TSC2: variants seen among roughly 807,000 people sequenced by gnomAD.
The protein encoded by TSC2 is tuberin.
In TSC2, 29 loss-of-function variants were observed where a neutral mutation model predicts 202.2. The ratio of observed to expected loss-of-function variants is 0.14; its 90% confidence interval spans 0.11 to 0.20. TSC2 has a LOEUF of 0.20. TSC2 is among the 10% of genes least tolerant of loss of function. The pLI is 1.00. For synonymous variants in TSC2, 1,349 were observed against 1,044.0 expected, an observed-to-expected ratio of 1.29 and a Z score of -5.63; for missense variants, 2,429 against 2,420.0, an observed-to-expected ratio of 1.00 and a Z score of -0.08.
chr16:2,062,065 T>C, intron 12 of TSC2, 57 bp downstream of exon 12: 1 of 1,609,824 alleles, frequency 6.2e-7, no homozygotes, highest in Admixed American at 1.7e-5. Context: ...AGGGGCCGGG[T>C]GCTGGGTGAA....
intron 16 of TSC2, among the ~76,000 whole-genome samples, 154 bp from the exon 17 acceptor site, chr16:2,070,302 G>T (rs1172417817): frequency 3.4e-5 from 5 of 148,820 alleles, no homozygotes; most frequent in African/African-American, 1.3e-4. Flanking sequence ...CTGCTGTGGA[G>T]AGAGAGTCCT....
chr16:2,088,866 C>CGT lies in TSC2; in HGVS notation c.*257_*258insTG, dbSNP rs1555442378. 4.6e-5 allele frequency: 23 copies of CGT among 505,158 alleles called. 1 individual carries two copies. In the African/African-American group the frequency reaches 4.6e-4, roughly 10 times the overall value. The allele number at this position is 505,158 out of a possible 1,614,324, so 31.3% of individuals were successfully genotyped here. A position where few individuals can be genotyped will look rare whatever the true frequency, so the allele number is the denominator to read the frequency against. On this transcript the variant is annotated 3_prime_UTR_variant, in exon 42 of 42. Coordinates refer to ENST00000219476, the MANE Select transcript of TSC2 (RefSeq NM_000548.5). The stretch of plus-strand genomic sequence containing the variant: ...GGCTGCCTGGGCCATACAGCACACT[C>CGT]GCGCGTGCGCGCGCGCACACACACA...
intron 16 of TSC2, among the ~76,000 whole-genome samples, chr16:2,069,574 G>T (rs1339856277): frequency 1.3e-5 from 2 of 151,970 alleles, no homozygotes; most frequent in Non-Finnish European, 2.9e-5. Flanking sequence ...CTGCCTCCTG[G>T]GTTCACGCCA....
chr16:2,055,908 AAG>A (rs1567405258), intron 6 of TSC2: 6 of 522,016 alleles, frequency 1.1e-5, no homozygotes, highest in East Asian at 6.9e-5. Flanking sequence ...AAAAAAAAAA[AAG>A]AGAAGTACGT....
intron 15 of TSC2, chr16:2,064,683 G>A (rs1332108205): frequency 1.6e-5 from 9 of 575,142 alleles, no homozygotes; most frequent in African/African-American, 5.6e-5. Context: ...CTGGACCGAC[G>A]CTGGAGCCCA....
Position 2,053,691 on chromosome 16 carries a change from G to A in TSC2, c.336+239G>A, listed in dbSNP as rs574444628. The A allele has an allele frequency of 3.6e-4, 236 of 653,454 alleles. 2 individuals carry two copies. Among genetic ancestry groups the A allele is most frequent in the South Asian group, 2.8e-3 (184 of 66,320 alleles). 40.5% of individuals were successfully genotyped at this position (653,454 alleles called of 1,614,324 possible). ...TCACTGCACCTTCCTCTTATGGGAT[G>A]TTCTGGGGATCATATGAGGCAGTTC... On this transcript the variant is annotated intron_variant, in intron 4 of 41. Transcript: ENST00000219476.
At chr16:2,063,183 C>T (rs552969910) in intron 14 of TSC2, 130 bp downstream of exon 14, 190 of 1,140,250 alleles carry the variant, frequency 1.7e-4, no homozygotes, top group Non-Finnish European at 2.3e-4. Context: ...CCCTCTGCAG[C>T]CCCCAGCGTG....
intron 14 of TSC2, chr16:2,063,552 C>A (rs2086898404): frequency 3.9e-6 from 1 of 256,362 alleles, no homozygotes. Context: ...TACCCCTTTC[C>A]CAGGAGGCGC....
chr16:2,051,548 C>T (rs528977999), intron 3 of TSC2, among the ~76,000 whole-genome samples: 1 of 152,296 alleles, frequency 6.6e-6, no homozygotes, highest in East Asian at 1.9e-4. Flanking sequence ...CCAGACTTTC[C>T]TGATGACTTG....
rs45486193 is a variant in TSC2, at chr16:2,081,707, C to T, written c.3723C>T (p.Phe1241=). 1.4e-4 allele frequency: 222 copies of T among 1,612,974 alleles called. No individual in the cohort carries two copies. The African/African-American group carries it at 2.7e-3, about 20-fold the overall frequency. The change falls in exon 31 of 42, where the codon TTC becomes TTT. Residue 1241 remains phenylalanine (F), a synonymous_variant. Coordinates refer to ENST00000219476, the MANE Select transcript of TSC2 (RefSeq NM_000548.5). ...LSNALMAAER[F]KEHRDTALYK... ...ACGCCCTCATGGCGGCTGAGCGCTT[C>T]AAGGAGCACCGGGACACAGCCCTGT... is the stretch of plus-strand genomic sequence containing the variant.
At chr16:2,059,098 A>G (rs2086284740) in intron 10 of TSC2, among the ~76,000 whole-genome samples, 1 of 149,500 alleles carries the variant, frequency 6.7e-6, no homozygotes, top group African/African-American at 2.5e-5. Context: ...GGCTGACTGC[A>G]ATCTCCGCCT....
chr16:2,084,098 AGCCTGGT>A, intron 33 of TSC2, 123 bp from the exon 34 acceptor site: 1 of 1,499,834 alleles, frequency 6.7e-7, no homozygotes, highest in South Asian at 1.2e-5. Context: ...CGGGGGCCGT[AGCCTGGT>A]GCTCGGGCTG....
At chr16:2,048,153 C>T in intron 1 of TSC2, 88 bp downstream of exon 1, 1 of 1,534,066 alleles carries the variant, frequency 6.5e-7, no homozygotes, top group Non-Finnish European at 8.8e-7. Context: ...GGTCCCGGGC[C>T]CTCACCCGCG....
chr16:2,070,605 G>A (rs2151283149), intron 17 of TSC2, 27 bp downstream of exon 17: 1 of 1,612,682 alleles, frequency 6.2e-7, no homozygotes, highest in Admixed American at 1.7e-5. Flanking sequence ...TGCGCAGCCA[G>A]TTCCTGGGGG....
At chr16:2,084,136 G>A in intron 33 of TSC2, 92 bp from the exon 34 acceptor site, 1 of 1,545,384 alleles carries the variant, frequency 6.5e-7, no homozygotes, top group Non-Finnish European at 8.7e-7. Context: ...CTGGGATGGA[G>A]GACAGATAGG....
intron 36 of TSC2, 138 bp downstream of exon 36, chr16:2,085,460 GCT>G: frequency 1.1e-6 from 1 of 950,454 alleles, no homozygotes. Flanking sequence ...TGCTCATTGA[GCT>G]CTGTGCCAGG....
In TSC2 at chr16:2,053,424, C is replaced by A; in HGVS notation, c.308C>A (p.Ala103Asp). The A allele has an allele frequency of 6.3e-7, 1 of 1,582,996 alleles. No individual in the cohort carries two copies. Among genetic ancestry groups the A allele is most frequent in the African/African-American group, 1.3e-5 (1 of 74,446 alleles). The stretch of plus-strand genomic sequence containing the variant: ...CTGGAGGCCCGGCACGCGGTGCTGG[C>A]TCTGCTGAAGGCCATCGTGCAGGGG... ...RPLEARHAVL[A>D]LLKAIVQGQG... The change falls in exon 4 of 42, where the codon GCT becomes GAT. Residue 103 changes from alanine (A) to aspartate (D), a missense_variant. Transcript: ENST00000219476.
chr16:2,069,142 C>T (rs1305306535), intron 16 of TSC2, among the ~76,000 whole-genome samples: 1 of 152,172 alleles, frequency 6.6e-6, no homozygotes, highest in Non-Finnish European at 1.5e-5. Flanking sequence ...TTCCCCTTTT[C>T]CTGCCTGCCT....
chr16:2,063,951 T>G (rs1309792658), intron 14 of TSC2: 55 of 445,330 alleles, frequency 1.2e-4, no homozygotes, highest in East Asian at 3.7e-4. Context: ...CACAGCACCA[T>G]GTGGGAGGGG....
Sources: allele counts gnomAD v4.1 joint callset (sites outside exome capture counted in the v4.1 genomes callset), GRCh38; gene constraint gnomAD v4.1.1; transcripts MANE v1.5; gene names NCBI Gene and HGNC (gene_info 2026-07-23, HGNC 2026-07-21).